Variants in POU6F2 observed in about 807,000 individuals in gnomAD.
POU6F2 encodes the protein POU class 6 homeobox 2.
Under a neutral mutation model 71.3 loss-of-function variants are expected in POU6F2, and 31 were observed. The ratio of observed to expected loss-of-function variants is 0.43; its 90% CI spans 0.33 to 0.59. The LOEUF (loss-of-function observed/expected upper bound fraction) is 0.59. Ranked by LOEUF, POU6F2 falls within the 20% of genes least tolerant of loss-of-function variation. The pLI is 0.04. For missense variants in POU6F2, 783 were observed against 856.8 expected (o/e 0.91, Z 1.07); for synonymous variants, 347 against 355.7 (o/e 0.98, Z 0.27).
chr7:39,382,547 G>GCC (rs1562809785), intron 5 of POU6F2, among the ~76,000 whole-genome samples: 1 of 152,318 alleles, frequency 6.6e-6, no homozygotes, highest in African/African-American at 2.4e-5. Context: ...CATGTGGTGG[G>GCC]CCCACTGGCC....
chr7:39,422,266 T>C (rs1210693328), intron 6 of POU6F2, among the ~76,000 whole-genome samples: 4 of 152,198 alleles, frequency 2.6e-5, no homozygotes, highest in African/African-American at 9.6e-5. Context: ...CTAAGAAGAA[T>C]TGGAAATTGA....
intron 6 of POU6F2, among the ~76,000 whole-genome samples, chr7:39,428,988 T>C (rs1788033930): frequency 7.6e-6 from 1 of 131,168 alleles, no homozygotes; most frequent in African/African-American, 2.8e-5. Flanking sequence ...GGGGGAGGGA[T>C]AGCATTAGGA....
intron 1 of POU6F2, among the ~76,000 whole-genome samples, chr7:39,018,996 C>A (rs1166122261): frequency 1.3e-5 from 2 of 152,114 alleles, no homozygotes; most frequent in Non-Finnish European, 2.9e-5. Flanking sequence ...ATTGCATGAC[C>A]AACTTCTTGG....
At chr7:39,024,966 C>G (rs1316198753) in intron 1 of POU6F2, among the ~76,000 whole-genome samples, 10 of 152,106 alleles carry the variant, frequency 6.6e-5, no homozygotes, top group Non-Finnish European at 5.9e-5. Flanking sequence ...CTAAAATTCT[C>G]TTTTTTGGTT....
Position 39,339,912 on chromosome 7 carries a change from ACCAACCATCT to A in POU6F2, c.876_885del (p.Pro294ArgfsTer34), listed in dbSNP as rs778987346. Reference sequence around the variant, plus strand: ...CCCCACTCCCACTCCCAGAACCAGAACCAACCATCTCCAACCCAGCAGAGCTCCAGCCCCC... The same window carrying A: ...CCCCACTCCCACTCCCAGAACCAGAACCAACCCAGCAGAGCTCCAGCCCCC... On this transcript the variant is annotated frameshift_variant, in exon 5 of 10. Transcript: ENST00000518318. LOFTEE classifies it high-confidence loss of function. The A allele has an allele frequency of 6.2e-7, 1 of 1,613,762 alleles. No homozygotes were observed.
chr7:39,138,972 C>A (rs1792441381), intron 2 of POU6F2, among the ~76,000 whole-genome samples: 1 of 152,100 alleles, frequency 6.6e-6, no homozygotes, highest in Non-Finnish European at 1.5e-5. Flanking sequence ...TCATTCATTG[C>A]AGGGTCAGCT....
At chr7:39,374,088 A>G (rs1007401166) in intron 5 of POU6F2, among the ~76,000 whole-genome samples, 1 of 152,172 alleles carries the variant, frequency 6.6e-6, no homozygotes, top group African/African-American at 2.4e-5. Flanking sequence ...ATTGGGGCAA[A>G]GGGAGATGAT....
chr7:39,222,452 C>T (rs560216477), intron 4 of POU6F2, among the ~76,000 whole-genome samples: 1 of 152,284 alleles, frequency 6.6e-6, no homozygotes, highest in South Asian at 2.1e-4. Flanking sequence ...GTGTACAGTT[C>T]TGTGGCACCA....
chr7:39,437,601 G>A (rs12668706), intron 7 of POU6F2, among the ~76,000 whole-genome samples: 51,145 of 151,808 alleles, frequency 0.34, 9,618 homozygotes, highest in East Asian at 0.58. Flanking sequence ...TTTTGGAAGG[G>A]TTTTTCTTGT....
chr7:39,397,814 G>GTATATATATAAATATATA (rs1787207176), intron 5 of POU6F2, among the ~76,000 whole-genome samples: 1 of 128,448 alleles, frequency 7.8e-6, no homozygotes, highest in Non-Finnish European at 1.6e-5. Flanking sequence ...TATATTTTGT[G>GTATATATATAAATATATA]TATATATATA....
chr7:39,062,171 C>G (rs747248850), intron 1 of POU6F2, among the ~76,000 whole-genome samples: 5 of 152,094 alleles, frequency 3.3e-5, no homozygotes, highest in Admixed American at 3.3e-4. Context: ...ATTTGGTCCA[C>G]CATTGTTTTG....
intron 2 of POU6F2, among the ~76,000 whole-genome samples, chr7:39,129,624 T>TATAGATAGATAGATAGATAG (rs3999864): frequency 6.7e-6 from 1 of 149,232 alleles, no homozygotes; most frequent in Non-Finnish European, 1.5e-5. Flanking sequence ...ACAATAGATA[T>TATAGATAGATAGATAGATAG]ATAGATAGAT....
At chr7:39,213,885 C>CT (rs1794190787) in intron 4 of POU6F2, among the ~76,000 whole-genome samples, 1 of 152,204 alleles carries the variant, frequency 6.6e-6, no homozygotes, top group Admixed American at 6.5e-5. Flanking sequence ...GGCCACACCC[C>CT]TGGGAGATTC....
intron 8 of POU6F2, among the ~76,000 whole-genome samples, chr7:39,452,784 A>T (rs1475499186): frequency 3.9e-5 from 6 of 152,254 alleles, no homozygotes; most frequent in Admixed American, 2.6e-4. Context: ...ATGAGGCATT[A>T]TGGAAAGATG....
rs143209709 is a variant in POU6F2 at position 39,350,956 on chromosome 7, TG to T, written c.972+10942del. On this transcript the variant is annotated intron_variant, in intron 5 of 9. Coordinates refer to ENST00000518318, the MANE Select transcript of POU6F2 (RefSeq NM_001370959.1). ...CCAAGTTTACAGCAGTGGTTCCCAA[TG>T]TTGGCTGTACGCTGGGAACACCTGA... Among the ~76,000 whole-genome samples, 1,398 of 152,360 alleles carry T rather than the reference TG, an allele frequency of 9.2e-3. 23 individuals carry two copies. The highest frequency in any genetic ancestry group is 0.032 in the African/African-American group (1,351 of 41,592).
chr7:39,106,043 T>G (rs1243861096), intron 2 of POU6F2, among the ~76,000 whole-genome samples: 1 of 152,190 alleles, frequency 6.6e-6, no homozygotes, highest in Non-Finnish European at 1.5e-5. Context: ...GAAATGCCAG[T>G]CTGCAGAACT....
intron 2 of POU6F2, among the ~76,000 whole-genome samples, chr7:39,196,851 A>C (rs1793797795): frequency 6.6e-6 from 1 of 152,216 alleles, no homozygotes; most frequent in Non-Finnish European, 1.5e-5. Context: ...TCAAAATTTG[A>C]GGATCCTTTC....
intron 6 of POU6F2, among the ~76,000 whole-genome samples, chr7:39,423,475 G>T (rs1410048568): frequency 1.3e-5 from 1 of 79,504 alleles, no homozygotes; most frequent in Non-Finnish European, 2.6e-5. Flanking sequence ...AGGATTTGCT[G>T]AGTGAGTGAG....
intron 2 of POU6F2, among the ~76,000 whole-genome samples, chr7:39,156,450 TTGAGA>T (rs1311660322): frequency 1.1e-4 from 16 of 152,286 alleles, no homozygotes; most frequent in African/African-American, 3.1e-4. Context: ...TTTAGATTAA[TTGAGA>T]TAATATATAA....
Sources: allele counts gnomAD v4.1 joint callset (sites outside exome capture counted in the v4.1 genomes callset), GRCh38; gene constraint gnomAD v4.1.1; transcripts MANE v1.5; gene names NCBI Gene and HGNC (gene_info 2026-07-23, HGNC 2026-07-21).